The following UBN2 variants were observed in gnomAD, a reference collection of about 807,000 sequenced individuals.
The protein encoded by UBN2 is ubinuclein-2.
UBN2 carries 35 observed loss-of-function variants against 120.2 expected under a neutral mutation model. That is an observed-to-expected ratio of 0.29 (90% CI 0.22 to 0.39). The LOEUF is 0.39. Among genes scored for constraint, UBN2 ranks in the 10% least tolerant of loss-of-function variants. The probability of loss-of-function intolerance (pLI) is 1.00; values close to 1 mark genes in which losing one functional copy is unlikely to be tolerated. For missense variants in UBN2, 1,693 were observed against 1,663.2 expected (o/e 1.02, Z -0.31); for synonymous variants, 661 against 648.7 (o/e 1.02, Z -0.29).
chr7:139,327,095 G>A, the UBN2 span, among the ~76,000 whole-genome samples: 8 of 152,078 alleles, frequency 5.3e-5, no homozygotes, highest in African/African-American at 1.4e-4. Context: ...ATGCAATGGC[G>A]CGATCTCAGC....
chr7:139,324,675 A>AT, the UBN2 span, among the ~76,000 whole-genome samples: 2 of 148,640 alleles, frequency 1.3e-5, no homozygotes, highest in Non-Finnish European at 3.0e-5. Flanking sequence ...CGTGCTAAAG[A>AT]TTTTTCAGAA....
At chr7:139,289,131 A>G (rs1797871575) in intron 15 of UBN2, among the ~76,000 whole-genome samples, 1 of 151,978 alleles carries the variant, frequency 6.6e-6, no homozygotes, top group Non-Finnish European at 1.5e-5. Context: ...ATCTGGAACT[A>G]TTTACCTGCT....
chr7:139,293,276 T>C lies in UBN2; in HGVS notation c.3714T>C (p.Thr1238=). Residue 1238 remains threonine (T), a synonymous_variant, in exon 16 of 18, where the codon ACT becomes ACC. Coordinates refer to ENST00000473989, the MANE Select transcript of UBN2 (RefSeq NM_173569.4). ...ASLLANASPL[T]LMTSPLSVTN... ...TATTGGCTAATGCCTCACCTCTGAC[T>C]CTCATGACATCACCTTTGTCTGTAA... The C allele has an allele frequency of 6.2e-7, 1 of 1,614,232 alleles. No homozygotes were observed. Among genetic ancestry groups the C allele is most frequent in the Non-Finnish European group, 8.5e-7 (1 of 1,180,028 alleles).
Position 139,306,116 on chromosome 7 carries a change from G to T in UBN2, c.*8280G>T, listed in dbSNP as rs1455819967. On this transcript the variant is annotated 3_prime_UTR_variant, in exon 18 of 18. Transcript: ENST00000473989. The stretch of plus-strand genomic sequence containing the variant: ...TACAAACAAGATAACTATTACCCAA[G>T]ATAACATGGAAATACTTCTGTTTTT... 1 of 152,130 alleles carries T rather than the reference G, an allele frequency of 6.6e-6. No individual in the cohort carries two copies. The highest frequency in any genetic ancestry group is 2.4e-5 in the African/African-American group (1 of 41,422). The allele number at this position is 152,130 out of a possible 1,614,324, so 9.4% of individuals were successfully genotyped here.
chr7:139,314,909 C>T, the UBN2 span, among the ~76,000 whole-genome samples: 1 of 151,712 alleles, frequency 6.6e-6, no homozygotes, highest in African/African-American at 2.4e-5. Context: ...TTTCAAAGAA[C>T]CGTGAATGTT....
intron 6 of UBN2, 55 bp from the exon 7 acceptor site, chr7:139,266,278 G>A (rs1453392763): frequency 9.2e-7 from 1 of 1,087,148 alleles, no homozygotes; most frequent in Non-Finnish European, 1.3e-6. Context: ...TCCTAAGAAT[G>A]CAAAATAGAG....
the UBN2 span, among the ~76,000 whole-genome samples, chr7:139,320,089 A>G: frequency 1.4e-5 from 2 of 147,512 alleles, no homozygotes; most frequent in Admixed American, 1.3e-4. Flanking sequence ...AAAAAAAAAG[A>G]GAGAAATTTC....
At chr7:139,319,373 G>A in the UBN2 span, among the ~76,000 whole-genome samples, 2 of 151,940 alleles carry the variant, frequency 1.3e-5, no homozygotes, top group Non-Finnish European at 2.9e-5. Context: ...ATGAGCCACC[G>A]CACCCGGTCC....
At chr7:139,317,811 C>A in the UBN2 span, among the ~76,000 whole-genome samples, 92 of 152,116 alleles carry the variant, frequency 6.0e-4, no homozygotes, top group African/African-American at 2.1e-3. Context: ...CATAAGTGCC[C>A]GCCACCATGC....
chr7:139,264,433 A>G (rs1389614754), intron 6 of UBN2, among the ~76,000 whole-genome samples: 1 of 152,198 alleles, frequency 6.6e-6, no homozygotes, highest in Non-Finnish European at 1.5e-5. Context: ...GTGACTCCTT[A>G]AAGGACAGAG....
intron 7 of UBN2, among the ~76,000 whole-genome samples, chr7:139,268,911 A>G (rs1797179015): frequency 1.3e-5 from 2 of 152,176 alleles, no homozygotes; most frequent in South Asian, 4.1e-4. Flanking sequence ...ATTACTATTT[A>G]TTGGTATGGG....
intron 2 of UBN2, among the ~76,000 whole-genome samples, chr7:139,237,328 G>C (rs545888199): frequency 6.6e-6 from 1 of 152,064 alleles, no homozygotes; most frequent in Non-Finnish European, 1.5e-5. Context: ...ACAGGGTCTC[G>C]CTCTGGTGCC....
intron 8 of UBN2, 80 bp from the exon 9 acceptor site, chr7:139,272,242 A>G: frequency 1.0e-6 from 1 of 994,918 alleles, no homozygotes; most frequent in Non-Finnish European, 1.5e-6. Context: ...TCTAAAACAT[A>G]AATTTTATCT....
Position 139,283,665 on chromosome 7 carries a change from T to A in UBN2, c.2760T>A (p.Ala920=). 6.2e-7 allele frequency: 1 copy of A among 1,614,160 alleles called. No homozygotes were observed. Among genetic ancestry groups the A allele is most frequent in the South Asian group, 1.1e-5 (1 of 91,080 alleles). The change falls in exon 15 of 18, where the codon GCT becomes GCA. Residue 920 remains alanine, a synonymous_variant. Transcript: ENST00000473989. ...HALGTSEAQD[A]SSLTQVTKVH... is the part of the protein sequence containing the mutation. The stretch of plus-strand genomic sequence containing the variant: ...TGGGAACATCCGAGGCCCAAGATGC[T>A]TCTTCGTTAACACAAGTAACAAAGG...
In UBN2 at chr7:139,284,381, G is replaced by C; in HGVS notation, c.3476G>C (p.Gly1159Ala). The C allele has an allele frequency of 6.2e-7, 1 of 1,614,192 alleles. No individual in the cohort carries two copies. Among genetic ancestry groups the C allele is most frequent in the Non-Finnish European group, 8.5e-7 (1 of 1,180,034 alleles). The change falls in exon 15 of 18, where the codon GGG (glycine) becomes GCG (alanine). Residue 1159 changes from glycine to alanine, a missense_variant. By Grantham distance (60) the Gly-to-Ala change is moderately conservative. This residue lies in a region of UBN2 where 837 missense variants were observed against 817.6 expected (regional missense o/e 1.02). Transcript: ENST00000473989. ...AACTCATCATCCACTGGAACTGTTGGGAAGAACAGCTTGAGTGGAATTGCA... is the reference window on the plus strand; with the variant it reads ...AACTCATCATCCACTGGAACTGTTGCGAAGAACAGCTTGAGTGGAATTGCA... ...LTNSSSTGTVGKNSLSGIAMN... is the reference protein window; with the variant it reads ...LTNSSSTGTVAKNSLSGIAMN...
chr7:139,276,194 G>T, intron 12 of UBN2, 47 bp downstream of exon 12: 1 of 1,554,218 alleles, frequency 6.4e-7, no homozygotes, highest in African/African-American at 1.4e-5. Context: ...CACATTATGT[G>T]CTTTAGTGAA....
chr7:139,314,524 C>T, the UBN2 span, among the ~76,000 whole-genome samples: 1 of 152,014 alleles, frequency 6.6e-6, no homozygotes, highest in African/African-American at 2.4e-5. Context: ...CTTGCTGTGT[C>T]GCCCAGGCTG....
At chr7:139,293,753 C>T (rs12334279) in intron 16 of UBN2, 136 bp from the exon 17 acceptor site, 54,753 of 774,788 alleles carry the variant, frequency 0.071, 4,430 homozygotes, top group Admixed American at 0.26. Flanking sequence ...AGTAAATTTT[C>T]AAAAACGTGC....
intron 4 of UBN2, 124 bp from the exon 5 acceptor site, chr7:139,259,143 T>G: frequency 7.1e-7 from 1 of 1,409,866 alleles, no homozygotes; most frequent in Non-Finnish European, 9.4e-7. Flanking sequence ...GGATCTGCAG[T>G]TATAACAAAC....
Sources: gnomAD v4.1 joint callset for allele counts (sites outside exome capture counted in the v4.1 genomes callset) on GRCh38, gnomAD v4.1.1 for gene constraint, gnomAD v4.1.1 regional missense constraint, MANE v1.5 for transcripts, NCBI Gene and HGNC (gene_info 2026-07-23, HGNC 2026-07-21) for gene names.